SOBP: variants seen among roughly 807,000 people sequenced by gnomAD.
SOBP encodes sine oculis binding protein homolog, also known as sine oculis-binding protein homolog.
A neutral mutation model predicts 53.6 loss-of-function variants in SOBP; 4 were observed. That is an observed-to-expected ratio of 0.07 (90% CI 0.04 to 0.17). The LOEUF (loss-of-function observed/expected upper bound fraction) is 0.17. SOBP is among the 10% of genes least tolerant of loss of function. The pLI is 1.00. For missense variants in SOBP, 1,088 were observed against 1,204.7 expected (o/e 0.90, Z 1.43); for synonymous variants, 584 against 522.6 (o/e 1.12, Z -1.60).
In SOBP at chr6:107,612,662, A is replaced by G. The variant is rs1342234552; in HGVS notation, c.670-20852A>G. Among the ~76,000 whole-genome samples, 3 of 152,318 alleles carry G rather than the reference A, an allele frequency of 2.0e-5. No individual in the cohort carries two copies. In the East Asian group the frequency reaches 5.8e-4, roughly 29 times the overall value. ...AACTGTAGAATTCAGTGACATTCAC[A>G]GTGTTTTACAACCATAACCACTATC... On this transcript the variant is annotated intron_variant, in intron 5 of 6. Transcript: ENST00000317357.
chr6:107,578,527 G>A (rs1233657919), intron 4 of SOBP, among the ~76,000 whole-genome samples: 2 of 152,136 alleles, frequency 1.3e-5, no homozygotes, highest in African/African-American at 4.8e-5. Context: ...GTGAGTTTGT[G>A]TAAACTCCAT....
In SOBP at chr6:107,626,784, C is replaced by A. The variant is rs556821357; in HGVS notation, c.670-6730C>A. ...GAGGCACGTTTTCCATGTCTGTAGTCCCCTCCCAGTTTCCTTTCTTTCTCA... is the reference window on the plus strand; with the variant it reads ...GAGGCACGTTTTCCATGTCTGTAGTACCCTCCCAGTTTCCTTTCTTTCTCA... On this transcript the variant is annotated intron_variant, in intron 5 of 6. Transcript: ENST00000317357. 2.7e-5 allele frequency among the ~76,000 whole-genome samples: 4 copies of A among 150,172 alleles called. No individual in the cohort carries two copies. In the East Asian group the frequency reaches 5.8e-4, roughly 22 times the overall value.
intron 3 of SOBP, among the ~76,000 whole-genome samples, chr6:107,515,451 A>C (rs905109885): frequency 6.6e-6 from 1 of 152,236 alleles, no homozygotes; most frequent in Non-Finnish European, 1.5e-5. Flanking sequence ...TTATTACATT[A>C]AAATTGAAAA....
In SOBP at chr6:107,569,759, G is replaced by A. The variant is rs987198069; in HGVS notation, c.574-17321G>A. ...GTGCAAAGTAGTGTGCTTTTCACTC[G>A]AGGTGCCCCTGCCAAAATTGCCAGG... is the stretch of plus-strand genomic sequence containing the variant. On this transcript the variant is annotated intron_variant, in intron 4 of 6. Coordinates refer to ENST00000317357, the MANE Select transcript of SOBP (RefSeq NM_018013.4). Among the ~76,000 whole-genome samples the A allele has an allele frequency of 4.6e-5, 7 of 152,122 alleles. No individual in the cohort carries two copies. In the South Asian group the frequency reaches 1.0e-3, roughly 23 times the overall value.
chr6:107,551,507 G>A (rs1277624034), intron 4 of SOBP, among the ~76,000 whole-genome samples: 4 of 152,140 alleles, frequency 2.6e-5, no homozygotes, highest in Admixed American at 2.6e-4. Context: ...TATCAATGAA[G>A]ATTTTCATAC....
intron 4 of SOBP, among the ~76,000 whole-genome samples, chr6:107,584,598 G>T (rs1215214123): frequency 1.3e-5 from 2 of 152,144 alleles, no homozygotes; most frequent in Admixed American, 6.5e-5. Flanking sequence ...CCAGAGCCAT[G>T]GAAGTTTGAT....
At chr6:107,551,382 C>G (rs1461038727) in intron 4 of SOBP, among the ~76,000 whole-genome samples, 2 of 152,016 alleles carry the variant, frequency 1.3e-5, no homozygotes, top group African/African-American at 4.8e-5. Flanking sequence ...TTATTATGAA[C>G]CAGTAGTAAA....
chr6:107,634,850 A>G lies in SOBP; in HGVS notation c.2006A>G (p.His669Arg), dbSNP rs1315992732. 2 of 1,393,958 alleles carry G rather than the reference A, an allele frequency of 1.4e-6. No homozygotes were observed. Among genetic ancestry groups the G allele is most frequent in the South Asian group, 1.4e-5 (1 of 70,010 alleles). The allele number at this position is 1,393,958 out of a possible 1,614,324, so 86.3% of individuals were successfully genotyped here. The change falls in exon 6 of 7, where the codon CAC (histidine) becomes CGC (arginine). Residue 669 changes from histidine to arginine, a missense_variant. His to Arg is a conservative substitution (Grantham distance 29, BLOSUM62 0). Around this residue, in one of 6 missense-constraint regions of SOBP, gnomAD observed 665 missense variants for 629.7 expected, o/e 1.06. Coordinates refer to ENST00000317357, the MANE Select transcript of SOBP (RefSeq NM_018013.4). This position sits in a 1 kb window ranked among gnomAD's most constrained non-coding sequence, Gnocchi z 4.5. ...CGAGCCCGGCTGCACAACGTGATCC[A>G]CCGCGCGCTGCACGCGCACGTCAAG... ...GHRARLHNVI[H>R]RALHAHVKAE...
At chr6:107,513,033 C>T (rs960559899) in intron 3 of SOBP, among the ~76,000 whole-genome samples, 1 of 152,162 alleles carries the variant, frequency 6.6e-6, no homozygotes, top group African/African-American at 2.4e-5. Context: ...GTGTCTTTTA[C>T]CTCAAATGAT....
intron 5 of SOBP, among the ~76,000 whole-genome samples, chr6:107,588,034 G>T (rs1291115556): frequency 6.6e-6 from 1 of 152,100 alleles, no homozygotes; most frequent in Non-Finnish European, 1.5e-5. Flanking sequence ...CTTTTCAATT[G>T]CATTAAAGCA....
intron 4 of SOBP, among the ~76,000 whole-genome samples, chr6:107,554,596 G>A (rs1784554031): frequency 6.6e-6 from 1 of 152,124 alleles, no homozygotes; most frequent in Non-Finnish European, 1.5e-5. Context: ...TGTCTGGGAG[G>A]GCTGCTGGGG....
At chr6:107,592,951 A>G (rs1366104239) in intron 5 of SOBP, among the ~76,000 whole-genome samples, 1 of 152,264 alleles carries the variant, frequency 6.6e-6, no homozygotes, top group Non-Finnish European at 1.5e-5. Flanking sequence ...TATGCTCTCC[A>G]GCAAGACCAT....
chr6:107,548,223 C>T (rs1230166162), intron 4 of SOBP, among the ~76,000 whole-genome samples: 1 of 151,914 alleles, frequency 6.6e-6, no homozygotes, highest in Non-Finnish European at 1.5e-5. Flanking sequence ...AAACCATGTA[C>T]CAATAATATA....
At chr6:107,645,396 A>T (rs2115169123) in intron 6 of SOBP, among the ~76,000 whole-genome samples, 1 of 152,232 alleles carries the variant, frequency 6.6e-6, no homozygotes, top group South Asian at 2.1e-4. Context: ...ACAATATCTA[A>T]TGCTGACTTT....
chr6:107,566,580 GTC>G (rs566237114), intron 4 of SOBP, among the ~76,000 whole-genome samples: 241 of 152,310 alleles, frequency 1.6e-3, no homozygotes, highest in African/African-American at 5.6e-3. Context: ...CTCTCACGGT[GTC>G]TCTGATTTTC....
intron 4 of SOBP, among the ~76,000 whole-genome samples, chr6:107,547,488 G>A (rs1159848293): frequency 6.6e-6 from 1 of 152,186 alleles, no homozygotes; most frequent in African/African-American, 2.4e-5. Context: ...AAAGGCTAAC[G>A]CTGAACTTTA....
At chr6:107,618,204 C>T (rs1240508565) in intron 5 of SOBP, among the ~76,000 whole-genome samples, 1 of 152,128 alleles carries the variant, frequency 6.6e-6, no homozygotes, top group Non-Finnish European at 1.5e-5. Context: ...ACAGTGTGAA[C>T]AGGACAATAG....
chr6:107,496,767 T>A (rs965803733), intron 1 of SOBP, among the ~76,000 whole-genome samples: 1 of 152,214 alleles, frequency 6.6e-6, no homozygotes, highest in African/African-American at 2.4e-5. Flanking sequence ...GTGGGTCATC[T>A]GTGGGGGTGG....
chr6:107,647,914 CAGTT>C (rs1376076492), intron 6 of SOBP, among the ~76,000 whole-genome samples: 1 of 152,170 alleles, frequency 6.6e-6, no homozygotes, highest in East Asian at 1.9e-4. Flanking sequence ...TGCAGGAAAG[CAGTT>C]AGTAACCACA....
Sources: gnomAD v4.1 joint callset for allele counts (sites outside exome capture counted in the v4.1 genomes callset) on GRCh38, gnomAD v4.1.1 for gene constraint, gnomAD v4.1.1 regional missense constraint, Gnocchi (gnomAD v3.1) non-coding constraint, MANE v1.5 for transcripts, NCBI Gene and HGNC (gene_info 2026-07-23, HGNC 2026-07-21) for gene names.